The following AKR1B1 variants were observed in gnomAD, a reference collection of about 807,000 sequenced individuals.
AKR1B1 encodes aldo-keto reductase family 1 member B.
A neutral mutation model predicts 40.4 loss-of-function variants in AKR1B1; 22 were observed. The ratio of observed to expected loss-of-function variants is 0.54; its 90% CI spans 0.39 to 0.78. AKR1B1 has a LOEUF of 0.78. AKR1B1 is among the 30% of genes least tolerant of loss of function. AKR1B1 has a pLI of 0.00. For synonymous variants in AKR1B1, 157 were observed against 149.9 expected, an observed-to-expected ratio of 1.05 and a Z score of -0.35; for missense variants, 357 against 396.7, an observed-to-expected ratio of 0.90 and a Z score of 0.85.
chr7:134,450,649 T>A, intron 3 of AKR1B1, 137 bp downstream of exon 3: 1 of 768,252 alleles, frequency 1.3e-6, no homozygotes, highest in Non-Finnish European at 2.3e-6. Context: ...GTGATGCCAG[T>A]GCTGATGGTC....
intron 1 of AKR1B1, among the ~76,000 whole-genome samples, chr7:134,452,423 AG>A (rs1806316045): frequency 3.3e-5 from 5 of 152,218 alleles, no homozygotes; most frequent in Admixed American, 3.3e-4. Flanking sequence ...AAGGGAAACG[AG>A]GGGGAATGTG....
At chr7:134,446,708 T>A (rs1243942727) in intron 8 of AKR1B1, among the ~76,000 whole-genome samples, 4 of 152,214 alleles carry the variant, frequency 2.6e-5, no homozygotes. Context: ...GACACAGGTC[T>A]AGGCTCTGCC....
rs770799641 is a variant in AKR1B1, at chr7:134,449,068, T to TG, written c.480dup (p.Asn161GlnfsTer19). ...ATCTCCACCTGGAGATGGTTGAAGT[T>TG]GGAGATGCCAATAGCTTTCACCAGC... On this transcript the variant is annotated frameshift_variant, in exon 5 of 10. Coordinates refer to ENST00000285930, the MANE Select transcript of AKR1B1 (RefSeq NM_001628.4). LOFTEE classifies it high-confidence loss of function. 1 of 1,614,070 alleles carries TG rather than the reference T, an allele frequency of 6.2e-7. No individual in the cohort carries two copies. Among genetic ancestry groups the TG allele is most frequent in the South Asian group, 1.1e-5 (1 of 91,072 alleles).
intron 1 of AKR1B1, among the ~76,000 whole-genome samples, chr7:134,458,402 T>C (rs529633660): frequency 3.5e-4 from 53 of 152,276 alleles, no homozygotes; most frequent in African/African-American, 1.3e-3. Flanking sequence ...CACTGCGCCT[T>C]GTTAACAGCT....
At chr7:134,458,712 C>T (rs1180139590) in intron 1 of AKR1B1, among the ~76,000 whole-genome samples, 81 of 152,152 alleles carry the variant, frequency 5.3e-4, no homozygotes, top group Non-Finnish European at 1.5e-5. Flanking sequence ...GGTGGGCCGC[C>T]CATCAAGGGT....
chr7:134,456,532 A>T (rs1193890391), intron 1 of AKR1B1, among the ~76,000 whole-genome samples: 1 of 151,556 alleles, frequency 6.6e-6, no homozygotes, highest in Admixed American at 6.6e-5. Context: ...AAAAAAAAAA[A>T]GGAAGTTGAT....
At chr7:134,451,313 A>G in intron 2 of AKR1B1, 5 of 556,444 alleles carry the variant, frequency 9.0e-6, no homozygotes, top group Non-Finnish European at 1.6e-5. Flanking sequence ...CCATCCTTGA[A>G]AGCGACTCCC....
intron 9 of AKR1B1, among the ~76,000 whole-genome samples, chr7:134,444,197 C>G (rs1192765104): frequency 1.3e-5 from 2 of 152,230 alleles, no homozygotes; most frequent in African/African-American, 4.8e-5. Context: ...ATGTCTAGGG[C>G]TAAGTAGCAT....
intron 7 of AKR1B1, 177 bp downstream of exon 7, chr7:134,447,803 C>A (rs1806149149): frequency 1.4e-6 from 1 of 707,804 alleles, no homozygotes; most frequent in African/African-American, 1.8e-5. Flanking sequence ...AATCTAAGAG[C>A]CCATGCCAGA....
intron 7 of AKR1B1, 52 bp downstream of exon 7, chr7:134,447,928 G>T: frequency 6.7e-7 from 1 of 1,497,958 alleles, no homozygotes; most frequent in Non-Finnish European, 9.2e-7. Flanking sequence ...TAACAGGACT[G>T]TCAGGAATGC....
At chr7:134,449,947 T>C (rs979403760) in intron 3 of AKR1B1, 150 bp from the exon 4 acceptor site, 7 of 725,664 alleles carry the variant, frequency 9.6e-6, no homozygotes, top group Non-Finnish European at 1.5e-5. Flanking sequence ...AATAGGCAGA[T>C]AGCCAACACT....
chr7:134,456,692 T>C (rs1371526712), intron 1 of AKR1B1, among the ~76,000 whole-genome samples: 3 of 152,142 alleles, frequency 2.0e-5, no homozygotes, highest in African/African-American at 7.2e-5. Flanking sequence ...TACTTCTTCA[T>C]ATGAATTCAA....
Position 134,448,484 on chromosome 7 carries a change from G to A in AKR1B1, c.562C>T (p.His188Tyr). The A allele has an allele frequency of 6.2e-7, 1 of 1,613,534 alleles. No homozygotes were observed. The highest frequency in any genetic ancestry group is 8.5e-7 in the Non-Finnish European group (1 of 1,179,512). The change falls in exon 6 of 10, where the codon CAC (histidine) becomes TAC (tyrosine). Residue 188 changes from histidine (H) to tyrosine (Y), a missense_variant. Physicochemically the swap from His to Tyr is moderately conservative, Grantham distance 83. Transcript: ENST00000285930. The stretch of plus-strand genomic sequence containing the variant: ...AACTTCTCCTGAGTGAGATATGGGT[G>A]GCACTCAATCTGCAAATGCAAAAAC... Reference protein sequence around the residue: ...YKPAVNQIECHPYLTQEKLIQ... With the variant: ...YKPAVNQIECYPYLTQEKLIQ...
At position 134,442,783 on chromosome 7, in the gene AKR1B1, A is replaced by C. The variant is rs1187808433; in HGVS notation, c.909-13T>G. 1 of 1,613,894 alleles carries C rather than the reference A, an allele frequency of 6.2e-7. No individual in the cohort carries two copies. The highest frequency in any genetic ancestry group is 8.5e-7 in the Non-Finnish European group (1 of 1,179,804). ...GTGGGAGGTACAGCTGTCAGGAGAA[A>C]GGAGAAAACAGTTGCTTTTTGAAGA... is the stretch of plus-strand genomic sequence containing the variant. On this transcript the variant is annotated splice_polypyrimidine_tract_variant and intron_variant, in intron 9 of 9. Coordinates refer to ENST00000285930, the MANE Select transcript of AKR1B1 (RefSeq NM_001628.4).
rs1298486780 is a variant in AKR1B1, at chr7:134,447,396, A to C, written c.742-15T>G. 6.2e-7 allele frequency: 1 copy of C among 1,612,634 alleles called. No homozygotes were observed. The highest frequency in any genetic ancestry group is 1.7e-5 in the Admixed American group (1 of 60,028). On this transcript the variant is annotated splice_polypyrimidine_tract_variant and intron_variant, in intron 7 of 9. Transcript: ENST00000285930. ...CGGATCAGGACCTGTGAGCCCAAGG[A>C]GACAGTGAGTGTGTATACATGCCAG...
At chr7:134,457,481 A>G (rs996703899) in intron 1 of AKR1B1, among the ~76,000 whole-genome samples, 1 of 152,186 alleles carries the variant, frequency 6.6e-6, no homozygotes, top group East Asian at 1.9e-4. Context: ...GAGTTTTTGG[A>G]GGAAACAAAT....
chr7:134,459,151 G>T, upstream of AKR1B1: 1 of 1,474,616 alleles, frequency 6.8e-7, no homozygotes, highest in Non-Finnish European at 9.2e-7. Context: ...TCGGCAGAAA[G>T]GGCGCCTGCG....
At position 134,442,691 on chromosome 7, in the gene AKR1B1, G is replaced by T. The variant is rs1161511030; in HGVS notation, c.*37C>A. Reference sequence around the variant, plus strand: ...GAAAAAAATGAGGCAAGAAACACAGGTATAGGTCACTTGGGGACGAGCAGG... The same window carrying T: ...GAAAAAAATGAGGCAAGAAACACAGTTATAGGTCACTTGGGGACGAGCAGG... On this transcript the variant is annotated 3_prime_UTR_variant, in exon 10 of 10. Coordinates refer to ENST00000285930, the MANE Select transcript of AKR1B1 (RefSeq NM_001628.4). 6.2e-7 allele frequency: 1 copy of T among 1,608,782 alleles called. No homozygotes were observed. The highest frequency in any genetic ancestry group is 2.2e-5 in the East Asian group (1 of 44,860).
chr7:134,451,433 G>A, intron 2 of AKR1B1, 153 bp downstream of exon 2: 1 of 928,478 alleles, frequency 1.1e-6, no homozygotes, highest in South Asian at 1.4e-5. Flanking sequence ...GCGAGCTCTG[G>A]AGCCCTGTAT....
Sources: allele counts gnomAD v4.1 joint callset (sites outside exome capture counted in the v4.1 genomes callset), GRCh38; gene constraint gnomAD v4.1.1; transcripts MANE v1.5; gene names NCBI Gene and HGNC (gene_info 2026-07-23, HGNC 2026-07-21).